SLC12A1: variants seen among roughly 807,000 people sequenced by gnomAD.
SLC12A1 encodes solute carrier family 12 member 1, also known as Na-K-2Cl cotransporter.
SLC12A1 carries 89 observed loss-of-function variants against 130.4 expected under a neutral mutation model. That is an observed-to-expected ratio of 0.68 (90% confidence interval 0.58 to 0.81). The LOEUF (loss-of-function observed/expected upper bound fraction) is 0.81, where lower values mean the gene tolerates loss of function less well. Ranked by LOEUF, SLC12A1 falls within the 40% of genes least tolerant of loss-of-function variation. The pLI, the probability that SLC12A1 is intolerant of heterozygous loss-of-function variation, is 0.00. For missense variants in SLC12A1, 1,310 were observed against 1,336.4 expected (o/e 0.98, Z 0.31); for synonymous variants, 499 against 460.0 (o/e 1.08, Z -1.09).
intron 9 of SLC12A1, among the ~76,000 whole-genome samples, chr15:48,240,537 A>T (rs1444150857): frequency 6.6e-6 from 1 of 152,158 alleles, no homozygotes; most frequent in East Asian, 1.9e-4. Context: ...TTCACTATGC[A>T]TGACCTTTTT....
At chr15:48,257,793 C>A (rs1464114481) in intron 16 of SLC12A1, among the ~76,000 whole-genome samples, 1 of 152,210 alleles carries the variant, frequency 6.6e-6, no homozygotes, top group Non-Finnish European at 1.5e-5. Context: ...AGTTCTCTGA[C>A]ATGCCCCGGA....
chr15:48,278,761 A>G (rs1009108935), intron 20 of SLC12A1, among the ~76,000 whole-genome samples: 5 of 152,164 alleles, frequency 3.3e-5, no homozygotes, highest in African/African-American at 7.2e-5. Flanking sequence ...TAGATTACAC[A>G]TTTGCTTTGT....
chr15:48,277,373 A>G (rs2041964674), intron 20 of SLC12A1, among the ~76,000 whole-genome samples: 1 of 151,912 alleles, frequency 6.6e-6, no homozygotes. Context: ...AAAGGAGGTG[A>G]GGATTGATGA....
intron 17 of SLC12A1, among the ~76,000 whole-genome samples, chr15:48,263,302 C>A (rs143308669): frequency 6.6e-6 from 1 of 152,158 alleles, no homozygotes; most frequent in East Asian, 1.9e-4. Context: ...TCCAAAAACA[C>A]GCCACTTACC....
intron 17 of SLC12A1, among the ~76,000 whole-genome samples, chr15:48,266,851 T>C (rs2041836963): frequency 6.6e-6 from 1 of 152,210 alleles, no homozygotes; most frequent in Non-Finnish European, 1.5e-5. Flanking sequence ...TTTCCAGAAC[T>C]AAATCTTGAA....
intron 26 of SLC12A1, among the ~76,000 whole-genome samples, 160 bp downstream of exon 26, chr15:48,301,542 G>C (rs1028832033): frequency 6.7e-6 from 1 of 149,820 alleles, no homozygotes; most frequent in East Asian, 2.0e-4. Context: ...AGTGAAGGAA[G>C]GTAAGTGCCA....
At chr15:48,289,163 C>T (rs1003478255) in intron 23 of SLC12A1, among the ~76,000 whole-genome samples, 3 of 151,102 alleles carry the variant, frequency 2.0e-5, no homozygotes, top group African/African-American at 7.3e-5. Context: ...AGAGTTGATG[C>T]CAGTTGTGAG....
intron 1 of SLC12A1, among the ~76,000 whole-genome samples, chr15:48,206,862 T>C (rs1380366265): frequency 1.3e-5 from 2 of 152,172 alleles, no homozygotes; most frequent in Admixed American, 1.3e-4. Flanking sequence ...ATTCATATTT[T>C]TTTAAGGTTT....
intron 4 of SLC12A1, chr15:48,225,078 A>G (rs2041266778): frequency 6.6e-6 from 1 of 152,212 alleles, no homozygotes. Context: ...AAGCAATATC[A>G]TTGAGTGTGT....
chr15:48,211,325 T>C (rs1597394657), intron 2 of SLC12A1, among the ~76,000 whole-genome samples: 1 of 152,358 alleles, frequency 6.6e-6, no homozygotes, highest in East Asian at 1.9e-4. Flanking sequence ...TAATTTATCT[T>C]TTTATTGCTT....
At chr15:48,226,948 T>C (rs2041297158) in intron 5 of SLC12A1, 1 of 652,014 alleles carries the variant, frequency 1.5e-6, no homozygotes, top group African/African-American at 1.8e-5. Context: ...TGAAATGGGA[T>C]CTTTTAGAAC....
At chr15:48,240,906 A>G (rs2041508879) in intron 9 of SLC12A1, among the ~76,000 whole-genome samples, 1 of 152,212 alleles carries the variant, frequency 6.6e-6, no homozygotes, top group African/African-American at 2.4e-5. Context: ...TATAAGCAAG[A>G]GAAAAGCCCA....
chr15:48,224,628 A>C (rs1472189842), intron 4 of SLC12A1: 2 of 151,892 alleles, frequency 1.3e-5, no homozygotes, highest in African/African-American at 2.4e-5. Context: ...TGCCTTTGTC[A>C]GGCTGATAAG....
At chr15:48,216,568 C>T (rs578097775) in intron 2 of SLC12A1, among the ~76,000 whole-genome samples, 16 of 152,270 alleles carry the variant, frequency 1.1e-4, no homozygotes, top group South Asian at 8.3e-4. Flanking sequence ...TCTTGGGATC[C>T]CCAATTAATC....
chr15:48,277,186 G>A (rs143400266), intron 20 of SLC12A1, among the ~76,000 whole-genome samples: 1 of 152,226 alleles, frequency 6.6e-6, no homozygotes, highest in Non-Finnish European at 1.5e-5. Flanking sequence ...TGAGGAAATG[G>A]CACAAGAGAG....
intron 9 of SLC12A1, chr15:48,237,314 C>A: frequency 4.0e-6 from 1 of 248,838 alleles, no homozygotes; most frequent in South Asian, 1.4e-4. Context: ...GTATGTAATC[C>A]TTCATTAATA....
intron 7 of SLC12A1, among the ~76,000 whole-genome samples, chr15:48,231,200 A>T (rs1241827316): frequency 6.6e-6 from 1 of 152,212 alleles, no homozygotes; most frequent in East Asian, 1.9e-4. Flanking sequence ...TTATTTGTAG[A>T]TTATGCATTC....
At chr15:48,258,347 C>T (rs1235676300) in intron 16 of SLC12A1, among the ~76,000 whole-genome samples, 2 of 49,246 alleles carry the variant, frequency 4.1e-5, no homozygotes, top group Non-Finnish European at 5.4e-5. Flanking sequence ...GGCGACAGAG[C>T]GAGACTCCGT....
At chr15:48,243,545 A>T (rs2141053190) in intron 10 of SLC12A1, among the ~76,000 whole-genome samples, 1 of 152,252 alleles carries the variant, frequency 6.6e-6, no homozygotes, top group Middle Eastern at 3.4e-3. Context: ...AATCCCAGAT[A>T]CTCGGGTGGC....
Sources: allele counts gnomAD v4.1 joint callset (sites outside exome capture counted in the v4.1 genomes callset), GRCh38; gene constraint gnomAD v4.1.1; transcripts MANE v1.5; gene names NCBI Gene and HGNC (gene_info 2026-07-23, HGNC 2026-07-21).